Variants in DOP1A observed in about 807,000 individuals in gnomAD.
DOP1A encodes DOP1 leucine zipper like protein A, also known as protein DOP1A.
In DOP1A, 90 loss-of-function variants were observed where a neutral mutation model predicts 267.6. That is an observed-to-expected ratio of 0.34 (90% CI 0.28 to 0.40). The LOEUF (loss-of-function observed/expected upper bound fraction) is 0.40. Among genes scored for constraint, DOP1A ranks in the 10% least tolerant of loss-of-function variants. The pLI is 1.00. For synonymous variants in DOP1A, 932 were observed against 999.1 expected (o/e 0.93, Z 1.27); for missense variants, 2,437 against 2,900.4 (o/e 0.84, Z 3.67).
chr6:83,104,274 T>C (rs1394465003), intron 4 of DOP1A, among the ~76,000 whole-genome samples: 2 of 152,178 alleles, frequency 1.3e-5, no homozygotes, highest in Non-Finnish European at 2.9e-5. Flanking sequence ...TTTCATATCT[T>C]TTTTTGCCTT....
At chr6:83,167,480 T>C in intron 38 of DOP1A, 1 of 996,280 alleles carries the variant, frequency 1.0e-6, no homozygotes, top group Non-Finnish European at 1.2e-6. Context: ...GTTCCTTTTT[T>C]CTGTAGTAAT....
intron 17 of DOP1A, among the ~76,000 whole-genome samples, chr6:83,131,342 T>C (rs1437861997): frequency 6.6e-6 from 1 of 152,220 alleles, no homozygotes; most frequent in Admixed American, 6.5e-5. Flanking sequence ...TATAATATTG[T>C]GGTAGTGAAT....
intron 1 of DOP1A, among the ~76,000 whole-genome samples, chr6:83,073,537 C>T (rs1358598536): frequency 6.6e-6 from 1 of 152,150 alleles, no homozygotes; most frequent in Admixed American, 6.5e-5. Context: ...TGATAACTTT[C>T]ATTATGTTTT....
In DOP1A at chr6:83,129,158, G is replaced by C. The variant is rs746978459; in HGVS notation, c.1991G>C (p.Arg664Pro). ...PSVVTQGTAT[R>P]SRKTAQKTAM... ...GTAGTCACTCAGGGGACAGCAACCC[G>C]AAGTAGGAAGACAGCCCAAAAGACT... The change falls in exon 16 of 39, where the codon CGA (arginine) becomes CCA (proline). Residue 664 changes from arginine to proline, a missense_variant. By Grantham distance (103) the Arg-to-Pro change is moderately radical. Around this residue, in one of 9 missense-constraint regions of DOP1A, gnomAD observed 498 missense variants for 513.5 expected, o/e 0.97. Coordinates refer to ENST00000349129, the MANE Select transcript of DOP1A (RefSeq NM_015018.4). The C allele has an allele frequency of 1.2e-6, 2 of 1,612,770 alleles. No homozygotes were observed. The highest frequency in any genetic ancestry group is 1.7e-6 in the Non-Finnish European group (2 of 1,179,430).
chr6:83,121,850 T>A, intron 10 of DOP1A, 80 bp from the exon 11 acceptor site: 1 of 1,421,058 alleles, frequency 7.0e-7, no homozygotes, highest in Non-Finnish European at 9.5e-7. Context: ...TAAAACATTG[T>A]TTCATTGGGC....
intron 5 of DOP1A, 136 bp from the exon 6 acceptor site, chr6:83,109,989 C>G (rs1774277063): frequency 1.2e-6 from 1 of 857,418 alleles, no homozygotes; most frequent in Non-Finnish European, 1.7e-6. Flanking sequence ...TTCTTTCAGT[C>G]TATCACACTT....
In DOP1A at chr6:83,157,020, G is replaced by T. The variant is rs1352904994; in HGVS notation, c.6605-162G>T. ...TTTTGTGTATCTTTGTTTAATTGGAGTTCTCTTATTCGTTGTTTTATGAAA... is the reference window on the plus strand; with the variant it reads ...TTTTGTGTATCTTTGTTTAATTGGATTTCTCTTATTCGTTGTTTTATGAAA... On this transcript the variant is annotated intron_variant, in intron 34 of 38. Transcript: ENST00000349129. Among the ~76,000 whole-genome samples, 16 of 152,146 alleles carry T rather than the reference G, an allele frequency of 1.1e-4. No individual in the cohort carries two copies. The South Asian group carries it at 1.9e-3, about 18-fold the overall frequency.
chr6:83,093,535 A>G (rs945127885), intron 1 of DOP1A, among the ~76,000 whole-genome samples: 11 of 152,236 alleles, frequency 7.2e-5, no homozygotes, highest in Non-Finnish European at 1.0e-4. Context: ...ACTCTCCCCA[A>G]TAAAATGTAA....
intron 6 of DOP1A, among the ~76,000 whole-genome samples, chr6:83,110,764 T>C (rs993202835): frequency 3.3e-5 from 5 of 152,204 alleles, no homozygotes; most frequent in African/African-American, 9.6e-5. Context: ...TCAAGGATCA[T>C]TTTGAAAAAT....
rs13209311 is a variant in DOP1A, at chr6:83,130,369, A to G, written c.2588A>G (p.Tyr863Cys). 5.0e-6 allele frequency: 8 copies of G among 1,613,706 alleles called. No homozygotes were observed. The South Asian group carries it at 7.7e-5, about 16-fold the overall frequency. ...RPPLTQGNLR[Y>C]IAEKTEFFKH... The stretch of plus-strand genomic sequence containing the variant: ...CCCCTCACTCAGGGCAATCTGAGGT[A>G]CATAGCTGAGAAGACTGAATTTTTC... Residue 863 changes from tyrosine (Y) to cysteine (C), a missense_variant, in exon 17 of 39, where the codon TAC becomes TGC. Tyr to Cys is a radical substitution (Grantham distance 194, BLOSUM62 -2). Transcript: ENST00000349129.
chr6:83,108,604 T>C (rs1774044328), intron 4 of DOP1A, among the ~76,000 whole-genome samples: 1 of 152,204 alleles, frequency 6.6e-6, no homozygotes, highest in South Asian at 2.1e-4. Flanking sequence ...TATTTTGAAA[T>C]TGACAGTTAT....
chr6:83,105,021 TG>T (rs1261488627), intron 4 of DOP1A, among the ~76,000 whole-genome samples: 2 of 152,194 alleles, frequency 1.3e-5, no homozygotes, highest in Non-Finnish European at 2.9e-5. Context: ...GTTATTCTCC[TG>T]TAACTTTTTC....
rs1243319666 is a variant in DOP1A at position 83,124,717 on chromosome 6, T to G, written c.1353T>G (p.His451Gln). 6.2e-7 allele frequency: 1 copy of G among 1,612,794 alleles called. No individual in the cohort carries two copies. The highest frequency in any genetic ancestry group is 1.7e-5 in the Admixed American group (1 of 59,782). Residue 451 changes from histidine to glutamine, a missense_variant, in exon 13 of 39, where the codon CAT becomes CAG. Around this residue, in one of 9 missense-constraint regions of DOP1A, gnomAD observed 498 missense variants for 513.5 expected, o/e 0.97. Coordinates refer to ENST00000349129, the MANE Select transcript of DOP1A (RefSeq NM_015018.4). ...TTTGTCCTTTTAGGAGGACACTGCA[T>G]GTGAGACTTCAGATTGGACCTGGAG... is the stretch of plus-strand genomic sequence containing the variant. ...WFEECCRRTLHVRLQIGPGDS... is the reference protein window; with the variant it reads ...WFEECCRRTLQVRLQIGPGDS...
intron 25 of DOP1A, among the ~76,000 whole-genome samples, chr6:83,146,953 T>C (rs995339605): frequency 5.3e-5 from 8 of 152,152 alleles, no homozygotes; most frequent in African/African-American, 1.9e-4. Context: ...ACATGAATCA[T>C]TTAAAAGTGA....
chr6:83,100,797 T>A lies in DOP1A; in HGVS notation c.231T>A (p.Gly77=). The A allele has an allele frequency of 6.3e-7, 1 of 1,595,574 alleles. No individual in the cohort carries two copies. Among genetic ancestry groups the A allele is most frequent in the Non-Finnish European group, 8.6e-7 (1 of 1,169,404 alleles). The change falls in exon 4 of 39, where the codon GGT becomes GGA. Residue 77 remains glycine, a synonymous_variant. Coordinates refer to ENST00000349129, the MANE Select transcript of DOP1A (RefSeq NM_015018.4). ...LAQCLHPALP[G]GVHRKALETY... ...AATGTCTACATCCAGCATTACCAGG[T>A]GGAGTTCATCGGAAGGCGCTTGAAA... is the stretch of plus-strand genomic sequence containing the variant.
intron 7 of DOP1A, among the ~76,000 whole-genome samples, chr6:83,116,377 C>G (rs1157975924): frequency 6.6e-6 from 1 of 152,026 alleles, no homozygotes; most frequent in East Asian, 1.9e-4. Context: ...GCAGATTTTC[C>G]AAATGTTTTC....
chr6:83,114,691 T>G (rs1268799954), intron 7 of DOP1A, among the ~76,000 whole-genome samples: 2 of 152,178 alleles, frequency 1.3e-5, no homozygotes, highest in South Asian at 2.1e-4. Context: ...TAACTTAATT[T>G]GTAATCTTAA....
chr6:83,076,586 C>T (rs1212255317), intron 1 of DOP1A, among the ~76,000 whole-genome samples: 1 of 151,972 alleles, frequency 6.6e-6, no homozygotes, highest in African/African-American at 2.4e-5. Context: ...CCTAACCTTA[C>T]ACCCATTATG....
chr6:83,131,200 C>T (rs1389766870), intron 17 of DOP1A, among the ~76,000 whole-genome samples: 1 of 151,974 alleles, frequency 6.6e-6, no homozygotes, highest in Admixed American at 6.6e-5. Flanking sequence ...TTCTCTATAT[C>T]GAACATCAAG....
Sources: gnomAD v4.1 joint callset for allele counts (sites outside exome capture counted in the v4.1 genomes callset) on GRCh38, gnomAD v4.1.1 for gene constraint, gnomAD v4.1.1 regional missense constraint, MANE v1.5 for transcripts, NCBI Gene and HGNC (gene_info 2026-07-23, HGNC 2026-07-21) for gene names.